The following DNAJC5 variants were observed in gnomAD, a reference collection of about 807,000 sequenced individuals.
DNAJC5 encodes the protein dnaJ homolog subfamily C member 5.
DNAJC5 carries 1 observed loss-of-function variant against 23.2 expected under a neutral mutation model. That is an observed-to-expected ratio of 0.04 (90% confidence interval 0.02 to 0.20). DNAJC5 has a LOEUF of 0.20. DNAJC5 is among the 10% of genes least tolerant of loss of function. The pLI is 1.00. For synonymous variants in DNAJC5, 136 were observed against 120.0 expected, an observed-to-expected ratio of 1.13 and a Z score of -0.87; for missense variants, 180 against 267.0, an observed-to-expected ratio of 0.67 and a Z score of 2.27.
chr20:63,903,173 T>A (rs1284025505), intron 1 of DNAJC5, among the ~76,000 whole-genome samples: 2 of 151,856 alleles, frequency 1.3e-5, no homozygotes, highest in Non-Finnish European at 2.9e-5. Flanking sequence ...GGCCTCCACA[T>A]GTTGCCCAGG....
At chr20:63,903,869 C>T (rs972774280) in intron 1 of DNAJC5, among the ~76,000 whole-genome samples, 3 of 151,972 alleles carry the variant, frequency 2.0e-5, no homozygotes, top group Admixed American at 6.6e-5. Flanking sequence ...ATAGATCTCT[C>T]GAGTTCAGGA....
At chr20:63,908,800 AAAAAG>A (rs1279204922) in intron 1 of DNAJC5, among the ~76,000 whole-genome samples, 9 of 152,264 alleles carry the variant, frequency 5.9e-5, no homozygotes, top group Middle Eastern at 3.4e-3. Context: ...ACCCCATCTC[AAAAAG>A]AAAAGAAAAG....
At chr20:63,923,694 C>G (rs138086947) in intron 1 of DNAJC5, among the ~76,000 whole-genome samples, 1 of 152,204 alleles carries the variant, frequency 6.6e-6, no homozygotes, top group South Asian at 2.1e-4. Context: ...CACTGCACTC[C>G]AGCCCGGGCA....
intron 1 of DNAJC5, among the ~76,000 whole-genome samples, chr20:63,903,878 G>GA (rs1439984113): frequency 1.3e-5 from 2 of 152,052 alleles, no homozygotes; most frequent in Admixed American, 1.3e-4. Context: ...TCGAGTTCAG[G>GA]AATTTGAGAC....
chr20:63,906,915 A>G (rs983105312), intron 1 of DNAJC5, among the ~76,000 whole-genome samples: 1 of 152,096 alleles, frequency 6.6e-6, no homozygotes, highest in Non-Finnish European at 1.5e-5. Flanking sequence ...TAGCCTGGGC[A>G]ACTTAGGGAG....
At chr20:63,914,616 CTT>C (rs753653056) in intron 1 of DNAJC5, among the ~76,000 whole-genome samples, 4 of 127,880 alleles carry the variant, frequency 3.1e-5, no homozygotes, top group Non-Finnish European at 3.3e-5. Context: ...CGTGCCCGGC[CTT>C]TTTTTTTTTT....
intron 1 of DNAJC5, among the ~76,000 whole-genome samples, chr20:63,916,000 C>G (rs1244732356): frequency 6.6e-6 from 1 of 151,838 alleles, no homozygotes; most frequent in Non-Finnish European, 1.5e-5. Flanking sequence ...GTGGTGCGAT[C>G]TCGGCTCACT....
In DNAJC5 at chr20:63,931,488, A is replaced by T. The variant is rs1318574916; in HGVS notation, c.517A>T (p.Ile173Leu). The change falls in exon 5 of 5, where the codon ATA (isoleucine) becomes TTA (leucine). Residue 173 changes from isoleucine to leucine, a missense_variant. By Grantham distance (5) the Ile-to-Leu change is conservative (BLOSUM62 2). Transcript: ENST00000360864. This position sits in a 1 kb window ranked among gnomAD's most constrained non-coding sequence, Gnocchi z 9.6. Reference sequence around the variant, plus strand: ...AGAGGCCACAGACACGCCGATCGTCATACAGCCGGCATCCGCCACCGAGAC... The same window carrying T: ...AGAGGCCACAGACACGCCGATCGTCTTACAGCCGGCATCCGCCACCGAGAC... ...EREATDTPIVIQPASATETTQ... is the reference protein window; with the variant it reads ...EREATDTPIVLQPASATETTQ... 6.4e-7 allele frequency: 1 copy of T among 1,570,004 alleles called. No homozygotes were observed. The highest frequency in any genetic ancestry group is 1.8e-5 in the Admixed American group (1 of 56,076).
At position 63,895,162 on chromosome 20, in the gene DNAJC5, G is replaced by GCTGCCT. The variant is rs2053364103; in HGVS notation, c.-168_-167insTCTGCC. On this transcript the variant is annotated 5_prime_UTR_variant, in exon 1 of 5. Coordinates refer to ENST00000360864, the MANE Select transcript of DNAJC5 (RefSeq NM_025219.3). ...CGTGCTCGTCTCCGCTGCCGCTGCC[G>GCTGCCT]CTGCCGCTGCCGGTGCCGCACCCGC... 6.5e-6 allele frequency: 1 copy of GCTGCCT among 154,246 alleles called. No homozygotes were observed. The highest frequency in any genetic ancestry group is 1.4e-5 in the Non-Finnish European group (1 of 69,658). The allele number at this position is 154,246 out of a possible 1,614,324, so 9.6% of individuals were successfully genotyped here. A position where few individuals can be genotyped will look rare whatever the true frequency, so the allele number is the denominator to read the frequency against.
Position 63,931,682 on chromosome 20 carries a change from C to G in DNAJC5, c.*114C>G. ...CAGCCTCCTGCCTGCCCTGGCCTTGCTGGGGCCCCTCCTGCCTCCACGCCC... is the reference window on the plus strand; with the variant it reads ...CAGCCTCCTGCCTGCCCTGGCCTTGGTGGGGCCCCTCCTGCCTCCACGCCC... On this transcript the variant is annotated 3_prime_UTR_variant, in exon 5 of 5. Transcript: ENST00000360864. The surrounding 1 kb of genome is among the most constrained non-coding windows in gnomAD (Gnocchi z 9.6). 1.7e-6 allele frequency: 2 copies of G among 1,151,214 alleles called. No individual in the cohort carries two copies. The highest frequency in any genetic ancestry group is 2.5e-5 in the East Asian group (1 of 39,258). The allele number at this position is 1,151,214 out of a possible 1,614,324, so 71.3% of individuals were successfully genotyped here. A position where few individuals can be genotyped will look rare whatever the true frequency, so the allele number is the denominator to read the frequency against.
chr20:63,899,018 G>A lies in DNAJC5; in HGVS notation c.-12+3695G>A, dbSNP rs138965033. Reference sequence around the variant, plus strand: ...ACTGTGGCAGCAGAATCTGTGCTAGGCCTTCCTTCGTGAAAGAGGACAAGA... The same window carrying A: ...ACTGTGGCAGCAGAATCTGTGCTAGACCTTCCTTCGTGAAAGAGGACAAGA... On this transcript the variant is annotated intron_variant, in intron 1 of 4. Coordinates refer to ENST00000360864, the MANE Select transcript of DNAJC5 (RefSeq NM_025219.3). Among the ~76,000 whole-genome samples the A allele has an allele frequency of 2.3e-3, 347 of 152,276 alleles. 1 individual carries two copies. The highest frequency in any genetic ancestry group is 7.4e-3 in the African/African-American group (308 of 41,558).
At chr20:63,916,919 T>G (rs1368526348) in intron 1 of DNAJC5, among the ~76,000 whole-genome samples, 2 of 152,222 alleles carry the variant, frequency 1.3e-5, no homozygotes, top group African/African-American at 2.4e-5. Context: ...CAGTCAGACC[T>G]TATGGTTGTC....
At chr20:63,916,962 G>C (rs974848735) in intron 1 of DNAJC5, among the ~76,000 whole-genome samples, 7 of 152,154 alleles carry the variant, frequency 4.6e-5, no homozygotes, top group Non-Finnish European at 2.9e-5. Flanking sequence ...CGATTATTCT[G>C]TTCTTTTTCA....
chr20:63,914,235 C>T (rs1283388616), intron 1 of DNAJC5, among the ~76,000 whole-genome samples: 1 of 152,206 alleles, frequency 6.6e-6, no homozygotes, highest in African/African-American at 2.4e-5. Flanking sequence ...TGTTAAAACC[C>T]TTCTGGGCTT....
chr20:63,912,692 C>CCA (rs1171590812), intron 1 of DNAJC5, among the ~76,000 whole-genome samples: 1 of 152,204 alleles, frequency 6.6e-6, no homozygotes, highest in Non-Finnish European at 1.5e-5. Flanking sequence ...ACTGCAACCT[C>CCA]CAACTCCCGG....
chr20:63,895,982 T>C (rs1471491321), intron 1 of DNAJC5, among the ~76,000 whole-genome samples: 2 of 152,224 alleles, frequency 1.3e-5, no homozygotes, highest in Admixed American at 6.5e-5. Context: ...AAGACTCTCT[T>C]TTTCGTGTGC....
chr20:63,918,040 G>A (rs1188377984), intron 1 of DNAJC5, among the ~76,000 whole-genome samples: 1 of 152,164 alleles, frequency 6.6e-6, no homozygotes, highest in African/African-American at 2.4e-5. Context: ...CGCGCCTGCT[G>A]CTCAGGAATG....
Position 63,932,847 on chromosome 20 carries a change from C to T in DNAJC5, c.*1279C>T, listed in dbSNP as rs1474948079. 2 of 151,966 alleles carry T rather than the reference C, an allele frequency of 1.3e-5. No individual in the cohort carries two copies. The highest frequency in any genetic ancestry group is 3.8e-4 in the East Asian group (2 of 5,310). 9.4% of individuals were successfully genotyped at this position (151,966 alleles called of 1,614,324 possible). On this transcript the variant is annotated 3_prime_UTR_variant, in exon 5 of 5. Coordinates refer to ENST00000360864, the MANE Select transcript of DNAJC5 (RefSeq NM_025219.3). The surrounding 1 kb of genome is among the most constrained non-coding windows in gnomAD (Gnocchi z 4.4). The stretch of plus-strand genomic sequence containing the variant: ...TCCACACGTGGACCATTGTGGGTCC[C>T]TTGGGAGGCCAGCAGCCAGACTACG...
chr20:63,921,590 CAAA>C (rs11482146), intron 1 of DNAJC5, among the ~76,000 whole-genome samples: 3 of 116,326 alleles, frequency 2.6e-5, no homozygotes, highest in Admixed American at 8.3e-5. Flanking sequence ...GACTCCGTCT[CAAA>C]AAAAAAAAAA....
Sources: allele counts gnomAD v4.1 joint callset (sites outside exome capture counted in the v4.1 genomes callset), GRCh38; gene constraint gnomAD v4.1.1; non-coding constraint Gnocchi (gnomAD v3.1); transcripts MANE v1.5; gene names NCBI Gene and HGNC (gene_info 2026-07-23, HGNC 2026-07-21).